The following PPP2R2B variants were observed in gnomAD, a reference collection of about 807,000 sequenced individuals.
PPP2R2B encodes the protein serine/threonine-protein phosphatase 2A 55 kDa regulatory subunit B beta isoform.
A neutral mutation model predicts 46.0 loss-of-function variants in PPP2R2B; 5 were observed. That is an observed-to-expected ratio of 0.11 (90% confidence interval 0.06 to 0.23). PPP2R2B has a LOEUF of 0.23. PPP2R2B is among the 10% of genes least tolerant of loss of function. The pLI is 1.00. For synonymous variants in PPP2R2B, 215 were observed against 206.7 expected (o/e 1.04, Z -0.34); for missense variants, 367 against 575.0 (o/e 0.64, Z 3.70).
chr5:147,050,866 CGGGTGTCACT>C (rs1270445411), intron 1 of PPP2R2B, among the ~76,000 whole-genome samples: 2 of 148,820 alleles, frequency 1.3e-5, no homozygotes, highest in Non-Finnish European at 3.0e-5. Context: ...AACATGCTTC[CGGGTGTCACT>C]GGAAGATACT....
At chr5:146,840,956 A>G (rs1477850454) in intron 2 of PPP2R2B, among the ~76,000 whole-genome samples, 2 of 152,210 alleles carry the variant, frequency 1.3e-5, no homozygotes, top group African/African-American at 4.8e-5. Flanking sequence ...GAGATGAAAC[A>G]AGACAAATAT....
intron 1 of PPP2R2B, among the ~76,000 whole-genome samples, chr5:147,050,297 G>T (rs1756744738): frequency 6.6e-6 from 1 of 152,140 alleles, no homozygotes; most frequent in Admixed American, 6.6e-5. Context: ...ACTTGGAAAA[G>T]ACTTTAAATG....
intron 1 of PPP2R2B, among the ~76,000 whole-genome samples, chr5:146,939,054 G>A (rs772573540): frequency 6.6e-6 from 1 of 152,026 alleles, no homozygotes; most frequent in African/African-American, 2.4e-5. Flanking sequence ...CAATACACAT[G>A]TGAATATTGG....
intron 2 of PPP2R2B, among the ~76,000 whole-genome samples, chr5:146,838,933 C>T (rs1475887797): frequency 3.3e-5 from 5 of 152,194 alleles, no homozygotes; most frequent in Non-Finnish European, 7.3e-5. Flanking sequence ...GCCTCTTCAA[C>T]ATTTCTGAAA....
intron 6 of PPP2R2B, among the ~76,000 whole-genome samples, chr5:146,647,235 A>C (rs936278732): frequency 3.9e-5 from 6 of 152,288 alleles, no homozygotes; most frequent in Non-Finnish European, 4.4e-5. Context: ...GCTTAGAAGC[A>C]CATTGCTTAC....
At chr5:146,590,967 C>T (rs1770586948) in intron 9 of PPP2R2B, among the ~76,000 whole-genome samples, 1 of 152,016 alleles carries the variant, frequency 6.6e-6, no homozygotes, top group South Asian at 2.1e-4. Context: ...ATAAGTTATC[C>T]CCTCTTAGGC....
At chr5:146,897,307 C>T (rs1318130982) in intron 1 of PPP2R2B, among the ~76,000 whole-genome samples, 1 of 152,102 alleles carries the variant, frequency 6.6e-6, no homozygotes, top group Admixed American at 6.6e-5. Context: ...ATTTACCTGC[C>T]CCCCGTTCCC....
At chr5:146,991,190 C>A (rs560047022) in intron 1 of PPP2R2B, among the ~76,000 whole-genome samples, 31 of 152,084 alleles carry the variant, frequency 2.0e-4, no homozygotes, top group Admixed American at 1.3e-4. Flanking sequence ...AAAAATAGAG[C>A]TACCATATGA....
At chr5:146,892,222 A>G (rs1421966733) in intron 1 of PPP2R2B, among the ~76,000 whole-genome samples, 2 of 152,254 alleles carry the variant, frequency 1.3e-5, no homozygotes, top group Non-Finnish European at 2.9e-5. Flanking sequence ...GCAAAGGTCA[A>G]TTCTGCATTC....
At position 146,931,088 on chromosome 5, in the gene PPP2R2B, A is replaced by G. The variant is rs545535936; in HGVS notation, c.79+124577T>C. Reference sequence around the variant, plus strand: ...TTTTTTTAGTGCTCTTCTATACTCTATAGTTCTATACTCTATACTTCTATA... The same window carrying G: ...TTTTTTTAGTGCTCTTCTATACTCTGTAGTTCTATACTCTATACTTCTATA... On this transcript the variant is annotated intron_variant, in intron 1 of 8. Coordinates refer to the PPP2R2B transcript ENST00000336640. 9.2e-5 allele frequency among the ~76,000 whole-genome samples: 14 copies of G among 152,132 alleles called. 1 individual carries two copies. In the East Asian group the frequency reaches 2.1e-3, roughly 23 times the overall value.
intron 1 of PPP2R2B, among the ~76,000 whole-genome samples, chr5:146,975,286 T>C (rs1752848300): frequency 6.6e-6 from 1 of 152,258 alleles, no homozygotes; most frequent in Admixed American, 6.5e-5. Flanking sequence ...TGGTTTATTT[T>C]GCTTTGCATA....
At chr5:146,636,214 C>T (rs1241638117) in intron 7 of PPP2R2B, among the ~76,000 whole-genome samples, 1 of 152,158 alleles carries the variant, frequency 6.6e-6, no homozygotes, top group African/African-American at 2.4e-5. Context: ...AGAAACTGTG[C>T]TTCTCCAACC....
intron 2 of PPP2R2B, among the ~76,000 whole-genome samples, chr5:146,719,303 CA>C (rs965567619): frequency 7.2e-5 from 11 of 152,176 alleles, no homozygotes; most frequent in African/African-American, 2.7e-4. Context: ...TGGTACCTGA[CA>C]CACATAAGCA....
At chr5:146,626,046 G>T (rs1037376386) in intron 7 of PPP2R2B, among the ~76,000 whole-genome samples, 42 of 152,226 alleles carry the variant, frequency 2.8e-4, no homozygotes, top group African/African-American at 1.0e-3. Context: ...AACACAACTT[G>T]ATCAACACCT....
intron 2 of PPP2R2B, among the ~76,000 whole-genome samples, chr5:146,763,376 C>T (rs1472801686): frequency 6.6e-6 from 1 of 152,070 alleles, no homozygotes; most frequent in East Asian, 1.9e-4. Context: ...GTATGTTTCT[C>T]AACCTCTCTG....
intron 1 of PPP2R2B, among the ~76,000 whole-genome samples, chr5:147,005,671 CAG>C (rs750474374): frequency 1.0e-3 from 150 of 150,386 alleles, no homozygotes; most frequent in African/African-American, 3.3e-3. Context: ...GACAGGAAGT[CAG>C]AGAGAGAGAG....
chr5:146,827,359 A>G (rs1413883057), intron 2 of PPP2R2B, among the ~76,000 whole-genome samples: 1 of 152,218 alleles, frequency 6.6e-6, no homozygotes, highest in Non-Finnish European at 1.5e-5. Flanking sequence ...AAAATGTAGC[A>G]CAGACCATAG....
chr5:147,051,230 G>A (rs1756799745), intron 1 of PPP2R2B, among the ~76,000 whole-genome samples: 1 of 152,162 alleles, frequency 6.6e-6, no homozygotes, highest in African/African-American at 2.4e-5. Flanking sequence ...CTTGAGTCTT[G>A]GCTCTACCAC....
At chr5:146,737,597 T>C (rs1355737538) in intron 2 of PPP2R2B, among the ~76,000 whole-genome samples, 1 of 150,974 alleles carries the variant, frequency 6.6e-6, no homozygotes, top group African/African-American at 2.4e-5. Flanking sequence ...TCCATTCCGC[T>C]TTTTTTTGCC....
Sources: gnomAD v4.1 joint callset for allele counts (sites outside exome capture counted in the v4.1 genomes callset) on GRCh38, gnomAD v4.1.1 for gene constraint, MANE v1.5 for transcripts, NCBI Gene and HGNC (gene_info 2026-07-23, HGNC 2026-07-21) for gene names.